ERC2: variants seen among roughly 807,000 people sequenced by gnomAD.
The protein encoded by ERC2 is ERC protein 2.
ERC2 carries 42 observed loss-of-function variants against 114.8 expected under a neutral mutation model. The observed-to-expected ratio is 0.37, with a 90% CI of 0.29 to 0.47. The LOEUF (loss-of-function observed/expected upper bound fraction) is 0.47, where lower values mean the gene tolerates loss of function less well. Among genes scored for constraint, ERC2 ranks in the 20% least tolerant of loss-of-function variants. The probability of loss-of-function intolerance (pLI) is 0.99; values close to 1 mark genes in which losing one functional copy is unlikely to be tolerated. For missense variants in ERC2, 939 were observed against 1,150.7 expected (o/e 0.82, Z 2.66); for synonymous variants, 454 against 425.5 (o/e 1.07, Z -0.82).
chr3:55,992,196 T>C lies in ERC2; in HGVS notation c.2116A>G (p.Lys706Glu). 1 of 1,613,898 alleles carries C rather than the reference T, an allele frequency of 6.2e-7. No homozygotes were observed. The highest frequency in any genetic ancestry group is 8.5e-7 in the Non-Finnish European group (1 of 1,179,810). Residue 706 changes from lysine to glutamate, a missense_variant, in exon 11 of 18, where the codon AAA (lysine) becomes GAA (glutamate). By Grantham distance (56) the Lys-to-Glu change is moderately conservative (BLOSUM62 1). Transcript: ENST00000288221. ...TAAGACGCCTCTTTATCGAGCTGTT[T>C]TATTTGGTCTGCAAACTCAGGGTTC... ...RMNPEFADQI[K>E]QLDKEASYYR... is the part of the protein sequence containing the mutation.
intron 15 of ERC2, among the ~76,000 whole-genome samples, chr3:55,733,493 GTC>G (rs139777776): frequency 4.1e-4 from 30 of 72,512 alleles, no homozygotes; most frequent in Non-Finnish European, 5.3e-4. Context: ...CACATTCTCT[GTC>G]TCTCTCTCTC....
chr3:56,130,784 C>CA (rs2080158646), intron 6 of ERC2, among the ~76,000 whole-genome samples: 1 of 152,184 alleles, frequency 6.6e-6, no homozygotes, highest in South Asian at 2.1e-4. Flanking sequence ...GGCCACTCTG[C>CA]AAAGTTCACC....
chr3:56,180,942 GTGC>G (rs1015516617), intron 3 of ERC2, among the ~76,000 whole-genome samples: 3 of 152,244 alleles, frequency 2.0e-5, no homozygotes, highest in African/African-American at 7.2e-5. Flanking sequence ...GCATGTTTTT[GTGC>G]TTTCATTATG....
chr3:55,894,863 A>G (rs1388932228), intron 13 of ERC2, among the ~76,000 whole-genome samples: 1 of 152,226 alleles, frequency 6.6e-6, no homozygotes, highest in Non-Finnish European at 1.5e-5. Flanking sequence ...CCTAGTACTC[A>G]GTAGTGCCAC....
chr3:56,275,260 G>A (rs1172929532), intron 3 of ERC2, among the ~76,000 whole-genome samples: 2 of 152,158 alleles, frequency 1.3e-5, no homozygotes, highest in Non-Finnish European at 2.9e-5. Flanking sequence ...ACTAACTCAA[G>A]CAGACTGCTT....
chr3:55,801,464 A>G (rs866277485), intron 14 of ERC2, among the ~76,000 whole-genome samples: 1 of 152,218 alleles, frequency 6.6e-6, no homozygotes, highest in South Asian at 2.1e-4. Context: ...ATGGAAAACC[A>G]AGAGAGAGCC....
intron 3 of ERC2, among the ~76,000 whole-genome samples, chr3:56,248,852 T>C (rs2051908752): frequency 6.6e-6 from 1 of 152,246 alleles, no homozygotes. Context: ...CAACTGTATG[T>C]ATGCAATACA....
chr3:55,780,786 A>G (rs894456778), intron 14 of ERC2, among the ~76,000 whole-genome samples: 1 of 152,190 alleles, frequency 6.6e-6, no homozygotes, highest in Non-Finnish European at 1.5e-5. Flanking sequence ...CAAATCCTGT[A>G]TTCAAATTCA....
At chr3:55,935,386 T>G (rs1448104837) in intron 13 of ERC2, among the ~76,000 whole-genome samples, 3 of 152,170 alleles carry the variant, frequency 2.0e-5, no homozygotes, top group Admixed American at 2.0e-4. Flanking sequence ...GGCTGTGACG[T>G]AGTCCTAGTG....
chr3:55,726,854 A>C (rs1237969936), intron 15 of ERC2, among the ~76,000 whole-genome samples: 1 of 152,202 alleles, frequency 6.6e-6, no homozygotes, highest in East Asian at 1.9e-4. Flanking sequence ...GGCCAAAAGC[A>C]ATGCCCAGAA....
At chr3:55,883,916 CAA>C (rs748062307) in intron 14 of ERC2, among the ~76,000 whole-genome samples, 13 of 151,918 alleles carry the variant, frequency 8.6e-5, no homozygotes, top group African/African-American at 1.9e-4. Context: ...ACAACAACAA[CAA>C]CAACAACAAC....
chr3:56,458,716 C>G (rs555645685), intron 1 of ERC2, among the ~76,000 whole-genome samples: 1 of 151,622 alleles, frequency 6.6e-6, no homozygotes, highest in South Asian at 2.1e-4. Context: ...ATGAACAATA[C>G]GAATAAAGGG....
In ERC2 at chr3:56,225,494, A is replaced by G. The variant is rs538408992; in HGVS notation, c.1075-51974T>C. Among the ~76,000 whole-genome samples, 6 of 152,308 alleles carry G rather than the reference A, an allele frequency of 3.9e-5. No homozygotes were observed. In the South Asian group the frequency reaches 1.0e-3, roughly 26 times the overall value. ...ATAAGTGACTGCTTCTTATTTACCA[A>G]TGAAAATTTTATCTTTGCTCTCTTG... On this transcript the variant is annotated intron_variant, in intron 3 of 17. Coordinates refer to ENST00000288221, the MANE Select transcript of ERC2 (RefSeq NM_015576.3).
intron 17 of ERC2, among the ~76,000 whole-genome samples, chr3:55,550,008 G>T (rs1049893096): frequency 6.7e-6 from 1 of 149,380 alleles, no homozygotes; most frequent in Non-Finnish European, 1.5e-5. Flanking sequence ...ACACTTTTCT[G>T]TGGCTTCTTA....
At chr3:56,347,075 C>T (rs2058339751) in intron 2 of ERC2, among the ~76,000 whole-genome samples, 1 of 152,066 alleles carries the variant, frequency 6.6e-6, no homozygotes, top group African/African-American at 2.4e-5. Context: ...CAGTGTATTA[C>T]AAAGAAATCA....
At chr3:56,449,596 A>G (rs541769835) in intron 1 of ERC2, among the ~76,000 whole-genome samples, 9 of 152,362 alleles carry the variant, frequency 5.9e-5, no homozygotes, top group Middle Eastern at 6.8e-3. Flanking sequence ...TTTAAAAAGG[A>G]AAAGAGGAGC....
chr3:56,036,347 C>A (rs548775797), intron 7 of ERC2, among the ~76,000 whole-genome samples: 59 of 152,240 alleles, frequency 3.9e-4, no homozygotes, highest in African/African-American at 1.4e-3. Flanking sequence ...GTACCTGGCG[C>A]CTTCTTTTCA....
At chr3:55,883,090 C>T (rs1351082100) in intron 14 of ERC2, among the ~76,000 whole-genome samples, 1 of 152,152 alleles carries the variant, frequency 6.6e-6, no homozygotes, top group Non-Finnish European at 1.5e-5. Context: ...AAAAGAGTAC[C>T]TAGCACATAG....
chr3:55,630,836 G>A (rs2059725008), intron 17 of ERC2, among the ~76,000 whole-genome samples: 1 of 152,102 alleles, frequency 6.6e-6, no homozygotes, highest in African/African-American at 2.4e-5. Context: ...AAATTAAACA[G>A]AGAGTAAATA....
Sources: allele counts gnomAD v4.1 joint callset (sites outside exome capture counted in the v4.1 genomes callset), GRCh38; gene constraint gnomAD v4.1.1; transcripts MANE v1.5; gene names NCBI Gene and HGNC (gene_info 2026-07-23, HGNC 2026-07-21).